Variants in PTPRG observed in about 807,000 individuals in gnomAD.
The protein encoded by PTPRG is receptor-type tyrosine-protein phosphatase gamma.
PTPRG carries 102 observed loss-of-function variants against 165.3 expected under a neutral mutation model. The ratio of observed to expected loss-of-function variants is 0.62; its 90% confidence interval spans 0.53 to 0.73. The LOEUF is 0.73. PTPRG is among the 30% of genes least tolerant of loss of function. The probability of loss-of-function intolerance (pLI) is 0.00; values close to 1 mark genes in which losing one functional copy is unlikely to be tolerated. For synonymous variants in PTPRG, 675 were observed against 669.5 expected, an observed-to-expected ratio of 1.01 and a Z score of -0.13; for missense variants, 1,866 against 1,861.4, an observed-to-expected ratio of 1.00 and a Z score of -0.05.
At position 62,277,593 on chromosome 3, in the gene PTPRG, C is replaced by G. The variant is rs773079610; in HGVS notation, c.3679C>G (p.Leu1227Val). 5.0e-6 allele frequency: 8 copies of G among 1,612,388 alleles called. No homozygotes were observed. Residue 1227 changes from leucine to valine, a missense_variant, in exon 26 of 30, where the codon CTG (leucine) becomes GTG (valine). Physicochemically the swap from Leu to Val is conservative, Grantham distance 32. Coordinates refer to ENST00000474889, the MANE Select transcript of PTPRG (RefSeq NM_002841.4). ...TGAATTTATTATAACTCAGCATCCT[C>G]TGCCACATACTACGAAAGATTTCTG... Reference protein sequence around the residue: ...SNEFIITQHPLPHTTKDFWRM... With the variant: ...SNEFIITQHPVPHTTKDFWRM...
chr3:62,041,723 C>T (rs1009970672), intron 4 of PTPRG, among the ~76,000 whole-genome samples: 5 of 151,978 alleles, frequency 3.3e-5, no homozygotes, highest in Admixed American at 1.3e-4. Flanking sequence ...TGTCATATAC[C>T]GAGATATGAC....
chr3:62,067,038 C>CAAAAAAAAAAAAAAAAAAA (rs58056271), intron 4 of PTPRG, among the ~76,000 whole-genome samples: 1 of 111,998 alleles, frequency 8.9e-6, no homozygotes, highest in Non-Finnish European at 1.8e-5. Flanking sequence ...GATTCTGACT[C>CAAAAAAAAAAAAAAAAAAA]AAAAAAAAAA....
At chr3:62,081,297 A>C (rs541715979) in intron 5 of PTPRG, among the ~76,000 whole-genome samples, 33 of 150,334 alleles carry the variant, frequency 2.2e-4, no homozygotes, top group African/African-American at 2.9e-4. Context: ...AACAAACAAA[A>C]ACATAATTTT....
At chr3:61,921,638 A>G (rs1386401602) in intron 2 of PTPRG, among the ~76,000 whole-genome samples, 3 of 152,214 alleles carry the variant, frequency 2.0e-5, no homozygotes, top group Non-Finnish European at 4.4e-5. Flanking sequence ...TATATAAGGT[A>G]TATGTGAAAG....
At position 61,653,594 on chromosome 3, in the gene PTPRG, G is replaced by A. The variant is rs1702421268; in HGVS notation, c.85+91222G>A. ...AACAAGGCTGATCCCTGTCCTCATG[G>A]ATCTTACAGTCCAGCTGCGTATGTG... On this transcript the variant is annotated intron_variant, in intron 1 of 29. Coordinates refer to ENST00000474889, the MANE Select transcript of PTPRG (RefSeq NM_002841.4). 2.0e-5 allele frequency among the ~76,000 whole-genome samples: 3 copies of A among 152,128 alleles called. No individual in the cohort carries two copies. In the South Asian group the frequency reaches 6.2e-4, roughly 32 times the overall value.
At position 61,795,639 on chromosome 3, in the gene PTPRG, CAAAAAAAAAAAAAAA is replaced by C. The variant is rs145136197; in HGVS notation, c.190+46671_190+46685del. On this transcript the variant is annotated intron_variant, in intron 2 of 29. Coordinates refer to ENST00000474889, the MANE Select transcript of PTPRG (RefSeq NM_002841.4). ...TGGGTGACAGAGCAAGACTCCGTCT[CAAAAAAAAAAAAAAA>C]AAAAAAAAAAAAAGTGGGAATAGTA... Among the ~76,000 whole-genome samples, 4 of 59,450 alleles carry C rather than the reference CAAAAAAAAAAAAAAA, an allele frequency of 6.7e-5. No individual in the cohort carries two copies. In the Admixed American group the frequency reaches 7.9e-4, roughly 12 times the overall value. The allele number at this position is 59,450 out of a possible 152,430, so 39.0% of individuals were successfully genotyped here.
chr3:62,051,245 A>G (rs1700459998), intron 4 of PTPRG, among the ~76,000 whole-genome samples: 1 of 152,158 alleles, frequency 6.6e-6, no homozygotes, highest in Non-Finnish European at 1.5e-5. Flanking sequence ...TGTCAAATTG[A>G]TTTCAATTTG....
intron 6 of PTPRG, among the ~76,000 whole-genome samples, chr3:62,151,414 G>A (rs1704332810): frequency 6.6e-6 from 1 of 152,086 alleles, no homozygotes; most frequent in Admixed American, 6.6e-5. Flanking sequence ...TGGGTGAAAT[G>A]TAGACTACTT....
chr3:61,673,368 A>G (rs1703103010), intron 1 of PTPRG, among the ~76,000 whole-genome samples: 1 of 152,168 alleles, frequency 6.6e-6, no homozygotes, highest in African/African-American at 2.4e-5. Flanking sequence ...AAGAGCCTGA[A>G]TGGTCCCATG....
At chr3:61,583,388 C>G (rs1700352170) in intron 1 of PTPRG, among the ~76,000 whole-genome samples, 1 of 152,126 alleles carries the variant, frequency 6.6e-6, no homozygotes, top group Admixed American at 6.5e-5. Context: ...GCTTTGTGTC[C>G]TCAGGCCCCA....
In PTPRG at chr3:61,743,076, G is replaced by C. The variant is rs184473689; in HGVS notation, c.86-5802G>C. 96 of 1,589,318 alleles carry C rather than the reference G, an allele frequency of 6.0e-5. No homozygotes were observed. In the East Asian group the frequency reaches 1.9e-3, roughly 32 times the overall value. On this transcript the variant is annotated intron_variant, in intron 1 of 29. Transcript: ENST00000474889. ...GGTGCAGGACTTCCCGCACCGCCTCGTACAGGGTGTTGCGAGAGACTGCTG... is the reference window on the plus strand; with the variant it reads ...GGTGCAGGACTTCCCGCACCGCCTCCTACAGGGTGTTGCGAGAGACTGCTG...
chr3:61,920,497 G>C (rs944468570), intron 2 of PTPRG, among the ~76,000 whole-genome samples: 33 of 152,200 alleles, frequency 2.2e-4, no homozygotes, highest in African/African-American at 7.7e-4. Flanking sequence ...CCGGGTTCAA[G>C]TAATTCTCCT....
In PTPRG at chr3:62,054,458, T is replaced by A. The variant is rs146580370; in HGVS notation, c.520-23705T>A. Reference sequence around the variant, plus strand: ...TCAATTTGTCTGAGTAGCTTGCTGTTTTCTAACACTGGTTGGGGCCTCCAG... The same window carrying A: ...TCAATTTGTCTGAGTAGCTTGCTGTATTCTAACACTGGTTGGGGCCTCCAG... On this transcript the variant is annotated intron_variant, in intron 4 of 29. Coordinates refer to ENST00000474889, the MANE Select transcript of PTPRG (RefSeq NM_002841.4). 4.7e-3 allele frequency among the ~76,000 whole-genome samples: 713 copies of A among 152,332 alleles called. 4 individuals are homozygous for A. Among genetic ancestry groups the A allele is most frequent in the Non-Finnish European group, 7.6e-3 (520 of 68,028 alleles).
intron 2 of PTPRG, among the ~76,000 whole-genome samples, chr3:61,847,991 C>T (rs2036853390): frequency 2.0e-5 from 3 of 152,198 alleles, no homozygotes; most frequent in South Asian, 4.1e-4. Flanking sequence ...AAAGTATTTG[C>T]AGAGACGCCT....
intron 2 of PTPRG, among the ~76,000 whole-genome samples, chr3:61,877,332 A>C (rs1167552545): frequency 1.3e-5 from 2 of 152,164 alleles, no homozygotes; most frequent in African/African-American, 4.8e-5. Context: ...CATTGGAGAG[A>C]TGTTTGAGAA....
In PTPRG at chr3:62,201,552, G is replaced by A. The variant is rs1042286400; in HGVS notation, c.1375G>A (p.Val459Met). The change falls in exon 11 of 30, where the codon GTG becomes ATG. Residue 459 changes from valine (V) to methionine (M), a missense_variant and splice_region_variant. Val to Met is a conservative substitution (Grantham distance 21, BLOSUM62 1). This residue lies in a region of PTPRG where 1,452 missense variants were observed against 1,463.0 expected (regional missense o/e 0.99). Transcript: ENST00000474889. ...FQGTRIVKTG[V>M]PTASPASSAD... ...AGGGACCAGAATAGTGAAAACAGGA[G>A]TGGTAAGTAGAGAATGGGAAATTGC... 6.2e-7 allele frequency: 1 copy of A among 1,610,302 alleles called. No homozygotes were observed. Among genetic ancestry groups the A allele is most frequent in the Admixed American group, 1.7e-5 (1 of 59,674 alleles).
intron 2 of PTPRG, among the ~76,000 whole-genome samples, chr3:61,864,502 G>A (rs2037353867): frequency 6.6e-6 from 1 of 152,170 alleles, no homozygotes; most frequent in Non-Finnish European, 1.5e-5. Flanking sequence ...GATTTTGGGA[G>A]AATTAAGGCA....
chr3:61,566,675 T>G (rs1699922765), intron 1 of PTPRG, among the ~76,000 whole-genome samples: 2 of 152,320 alleles, frequency 1.3e-5, no homozygotes, highest in Non-Finnish European at 2.9e-5. Flanking sequence ...GCCTAGCTAA[T>G]TTTTGTAATT....
chr3:61,592,390 A>G (rs1464366076), intron 1 of PTPRG, among the ~76,000 whole-genome samples: 2 of 152,120 alleles, frequency 1.3e-5, no homozygotes, highest in African/African-American at 4.8e-5. Context: ...GTGTAAGTCA[A>G]TCAGCATGAA....
Sources: gnomAD v4.1 joint callset for allele counts (sites outside exome capture counted in the v4.1 genomes callset) on GRCh38, gnomAD v4.1.1 for gene constraint, gnomAD v4.1.1 regional missense constraint, MANE v1.5 for transcripts, NCBI Gene and HGNC (gene_info 2026-07-23, HGNC 2026-07-21) for gene names.